NIBAN1: variants seen among roughly 807,000 people sequenced by gnomAD.
The protein encoded by NIBAN1 is niban apoptosis regulator 1, also known as protein Niban 1.
A neutral mutation model predicts 75.1 loss-of-function variants in NIBAN1; 81 were observed. The ratio of observed to expected loss-of-function variants is 1.08; its 90% CI spans 0.90 to 1.30. NIBAN1 has a LOEUF of 1.30. Among genes scored for constraint, NIBAN1 ranks in the 50% most tolerant of loss-of-function variants. The pLI is 0.00. For synonymous variants in NIBAN1, 436 were observed against 424.8 expected (o/e 1.03, Z -0.32); for missense variants, 1,133 against 1,128.1 (o/e 1.00, Z -0.06).
intron 10 of NIBAN1, 69 bp downstream of exon 10, chr1:184,808,005 A>C (rs780627566): frequency 6.4e-7 from 1 of 1,562,118 alleles, no homozygotes; most frequent in South Asian, 1.1e-5. Flanking sequence ...AGCTGGTCTC[A>C]CTGGCCAGCA....
chr1:184,882,774 C>T (rs1656409708), intron 5 of NIBAN1, among the ~76,000 whole-genome samples: 1 of 152,190 alleles, frequency 6.6e-6, no homozygotes, highest in Non-Finnish European at 1.5e-5. Flanking sequence ...TTCGCAGTTC[C>T]TGTGCTGAGT....
At chr1:184,864,747 A>C (rs1282267116) in intron 5 of NIBAN1, among the ~76,000 whole-genome samples, 1 of 152,162 alleles carries the variant, frequency 6.6e-6, no homozygotes, top group Non-Finnish European at 1.5e-5. Context: ...AACAAGCAAA[A>C]AACAAATAAT....
chr1:184,907,499 T>C (rs1421091895), intron 1 of NIBAN1, among the ~76,000 whole-genome samples: 2 of 152,202 alleles, frequency 1.3e-5, no homozygotes, highest in Non-Finnish European at 2.9e-5. Context: ...CCACTATTGT[T>C]TATTTTCACC....
chr1:184,965,030 C>A (rs1658744142), intron 1 of NIBAN1, among the ~76,000 whole-genome samples: 1 of 152,058 alleles, frequency 6.6e-6, no homozygotes, highest in Non-Finnish European at 1.5e-5. Context: ...CCGGGCGCGG[C>A]GGCTCACGCC....
intron 9 of NIBAN1, among the ~76,000 whole-genome samples, chr1:184,811,943 G>A (rs1571482360): frequency 6.6e-6 from 1 of 152,190 alleles, no homozygotes; most frequent in East Asian, 1.9e-4. Context: ...GATTAGGCAT[G>A]TACAGGATTG....
chr1:184,953,284 T>C (rs1476621941), intron 1 of NIBAN1, among the ~76,000 whole-genome samples: 1 of 152,228 alleles, frequency 6.6e-6, no homozygotes, highest in Non-Finnish European at 1.5e-5. Context: ...GGCCATTATC[T>C]GTACTTGGGT....
At chr1:184,970,422 C>T (rs1357854817) in intron 1 of NIBAN1, among the ~76,000 whole-genome samples, 1 of 152,174 alleles carries the variant, frequency 6.6e-6, no homozygotes, top group African/African-American at 2.4e-5. Context: ...ACTAAGTAGA[C>T]TACAGATGTG....
At chr1:184,810,741 G>T (rs1046370058) in intron 9 of NIBAN1, among the ~76,000 whole-genome samples, 3 of 152,108 alleles carry the variant, frequency 2.0e-5, no homozygotes, top group African/African-American at 7.2e-5. Context: ...TGACTGTGAG[G>T]CACCCCCGGA....
intron 12 of NIBAN1, 40 bp from the exon 13 acceptor site, chr1:184,798,230 T>C (rs750458993): frequency 2.3e-6 from 3 of 1,291,984 alleles, no homozygotes; most frequent in Non-Finnish European, 3.3e-6. Context: ...TGAAAAGGCA[T>C]GAGATGCCTG....
rs558724727 is a variant in NIBAN1, at chr1:184,933,888, C to A, written c.56-34579G>T. Among the ~76,000 whole-genome samples, 5 of 152,334 alleles carry A rather than the reference C, an allele frequency of 3.3e-5. No homozygotes were observed. The South Asian group carries it at 1.0e-3, about 32-fold the overall frequency. ...TGTGTTCCAAGTATTCTGGTGAATG[C>A]CAATGCTGGTTCACAATGATGGGGG... On this transcript the variant is annotated intron_variant, in intron 1 of 13. Transcript: ENST00000367511.
intron 10 of NIBAN1, 76 bp from the exon 11 acceptor site, chr1:184,806,132 G>A (rs1571475410): frequency 8.3e-7 from 1 of 1,199,538 alleles, no homozygotes; most frequent in Admixed American, 1.9e-5. Flanking sequence ...GGCTAAGTGG[G>A]ACTGCAGAGT....
chr1:184,829,172 G>A (rs1389716542), intron 6 of NIBAN1, among the ~76,000 whole-genome samples: 1 of 151,928 alleles, frequency 6.6e-6, no homozygotes, highest in African/African-American at 2.4e-5. Context: ...TTTTTGTTTT[G>A]TTTTGCTTTC....
intron 1 of NIBAN1, among the ~76,000 whole-genome samples, chr1:184,955,485 C>T (rs539367633): frequency 2.0e-4 from 31 of 151,806 alleles, no homozygotes; most frequent in African/African-American, 6.8e-4. Context: ...ACTACAGGTG[C>T]GCACCACCAC....
At position 184,974,297 on chromosome 1, in the gene NIBAN1, C is replaced by A. The variant is rs1238146716; in HGVS notation, c.55+5G>T. The A allele has an allele frequency of 6.4e-7, 1 of 1,558,186 alleles. No homozygotes were observed. Among genetic ancestry groups the A allele is most frequent in the Non-Finnish European group, 8.6e-7 (1 of 1,159,348 alleles). On this transcript the variant is annotated splice_donor_5th_base_variant and intron_variant, in intron 1 of 13. Transcript: ENST00000367511. ...CTCCCCAGGCCCCCGGGCGGGCGGG[C>A]GTACCTCGGATGTAAGCGCACTTGC...
At chr1:184,859,874 G>A (rs1655771681) in intron 5 of NIBAN1, among the ~76,000 whole-genome samples, 1 of 152,142 alleles carries the variant, frequency 6.6e-6, no homozygotes, top group African/African-American at 2.4e-5. Context: ...AAGGAGCTGA[G>A]GTCTGCATCA....
At chr1:184,903,733 CTTTTTTTTT>C (rs368105582) in intron 1 of NIBAN1, among the ~76,000 whole-genome samples, 1 of 99,922 alleles carries the variant, frequency 1.0e-5, no homozygotes, top group Non-Finnish European at 1.9e-5. Flanking sequence ...CCGATTAAAC[CTTTTTTTTT>C]TTTTTTTTTT....
At chr1:184,886,688 A>T (rs1396755935) in intron 4 of NIBAN1, among the ~76,000 whole-genome samples, 1 of 152,226 alleles carries the variant, frequency 6.6e-6, no homozygotes, top group African/African-American at 2.4e-5. Context: ...AGAAAATGTT[A>T]GTTCTGTGCT....
intron 1 of NIBAN1, among the ~76,000 whole-genome samples, chr1:184,967,010 A>C (rs1425634659): frequency 6.6e-6 from 1 of 152,168 alleles, no homozygotes; most frequent in East Asian, 1.9e-4. Context: ...CATACCTCTA[A>C]AGCGTTTATT....
intron 2 of NIBAN1, among the ~76,000 whole-genome samples, chr1:184,898,553 T>A (rs766217674): frequency 3.3e-5 from 5 of 152,156 alleles, no homozygotes; most frequent in Non-Finnish European, 5.9e-5. Context: ...GAAGCAGAGG[T>A]TGCAGTGAGC....
Sources: allele counts gnomAD v4.1 joint callset (sites outside exome capture counted in the v4.1 genomes callset), GRCh38; gene constraint gnomAD v4.1.1; transcripts MANE v1.5; gene names NCBI Gene and HGNC (gene_info 2026-07-23, HGNC 2026-07-21).